CDH18: variants seen among roughly 807,000 people sequenced by gnomAD.
CDH18 encodes cadherin 18.
In CDH18, 31 loss-of-function variants were observed where a neutral mutation model predicts 67.9. That is an observed-to-expected ratio of 0.46 (90% CI 0.34 to 0.62). The LOEUF (loss-of-function observed/expected upper bound fraction) is 0.62. Ranked by LOEUF, CDH18 falls within the 20% of genes least tolerant of loss-of-function variation. CDH18 has a pLI of 0.01. For missense variants in CDH18, 890 were observed against 975.5 expected, an observed-to-expected ratio of 0.91 and a Z score of 1.17; for synonymous variants, 362 against 347.2, an observed-to-expected ratio of 1.04 and a Z score of -0.48.
Position 20,535,382 on chromosome 5 carries a change from A to G in CDH18, c.-580+40080T>C, listed in dbSNP as rs138453686. 5.1e-4 allele frequency among the ~76,000 whole-genome samples: 78 copies of G among 152,166 alleles called. 1 individual carries two copies. In the East Asian group the frequency reaches 0.013, roughly 26 times the overall value. On this transcript the variant is annotated intron_variant, in intron 1 of 14. Coordinates refer to the CDH18 transcript ENST00000507958. ...TCCCCATTTTTCCCTCTGTTGCCCA[A>G]TCTCTGGTTGACTGTTCTTCCTTCC... is the stretch of plus-strand genomic sequence containing the variant.
intron 2 of CDH18, among the ~76,000 whole-genome samples, chr5:20,133,821 G>C (rs1264775208): frequency 6.6e-6 from 1 of 152,018 alleles, no homozygotes; most frequent in Non-Finnish European, 1.5e-5. Flanking sequence ...TCTCTGAGCT[G>C]CTTCTATCAA....
intron 2 of CDH18, among the ~76,000 whole-genome samples, chr5:20,152,256 C>T (rs1382819078): frequency 6.9e-6 from 1 of 144,222 alleles, no homozygotes; most frequent in Non-Finnish European, 1.5e-5. Context: ...AATATAGATA[C>T]AATTATATAT....
chr5:20,221,192 C>G (rs1233169084), intron 2 of CDH18, among the ~76,000 whole-genome samples: 1 of 151,918 alleles, frequency 6.6e-6, no homozygotes, highest in African/African-American at 2.4e-5. Flanking sequence ...TCACAATAGC[C>G]AAGATTTGGA....
intron 2 of CDH18, among the ~76,000 whole-genome samples, chr5:20,170,784 C>T (rs543881165): frequency 2.0e-5 from 3 of 151,924 alleles, no homozygotes; most frequent in Non-Finnish European, 4.4e-5. Context: ...GTTTTTTGTA[C>T]AGATTATTTA....
intron 2 of CDH18, among the ~76,000 whole-genome samples, chr5:20,115,412 G>A (rs1231941143): frequency 6.7e-6 from 1 of 149,932 alleles, no homozygotes; most frequent in Non-Finnish European, 1.5e-5. Context: ...CTGAGTAGCT[G>A]GGACTACAGG....
intron 1 of CDH18, among the ~76,000 whole-genome samples, chr5:20,412,813 A>T (rs549959654): frequency 3.9e-4 from 59 of 152,236 alleles, no homozygotes; most frequent in African/African-American, 1.4e-3. Context: ...ATTGGCTATT[A>T]TTCTTTTTTT....
At chr5:19,743,883 T>C (rs560319493) in intron 4 of CDH18, among the ~76,000 whole-genome samples, 2 of 129,524 alleles carry the variant, frequency 1.5e-5, no homozygotes, top group South Asian at 2.4e-4. Flanking sequence ...ATCATGCCAC[T>C]GCACTCCAGC....
chr5:20,457,659 C>T (rs139598850), intron 1 of CDH18, among the ~76,000 whole-genome samples: 1 of 152,022 alleles, frequency 6.6e-6, no homozygotes, highest in Non-Finnish European at 1.5e-5. Context: ...CTGTACTAGC[C>T]CTTTTCTAAG....
chr5:20,547,932 T>C (rs1757430051), intron 1 of CDH18, among the ~76,000 whole-genome samples: 1 of 152,008 alleles, frequency 6.6e-6, no homozygotes, highest in Non-Finnish European at 1.5e-5. Flanking sequence ...AGAAAAAAGC[T>C]CTCAGTTTGA....
intron 5 of CDH18, among the ~76,000 whole-genome samples, chr5:19,631,244 T>G (rs1752375059): frequency 6.6e-6 from 1 of 152,074 alleles, no homozygotes; most frequent in Admixed American, 6.6e-5. Flanking sequence ...TATGAATAAT[T>G]GAGAAGATGT....
intron 8 of CDH18, among the ~76,000 whole-genome samples, chr5:19,549,225 G>A (rs1009556924): frequency 6.6e-6 from 1 of 152,134 alleles, no homozygotes; most frequent in Non-Finnish European, 1.5e-5. Context: ...TCCACTTGGT[G>A]TTAAGTGAAT....
chr5:19,621,095 T>C (rs965561242), intron 5 of CDH18, among the ~76,000 whole-genome samples: 40 of 152,054 alleles, frequency 2.6e-4, no homozygotes, highest in African/African-American at 9.7e-4. Flanking sequence ...TAAATATCAT[T>C]AGATAGCACA....
intron 1 of CDH18, among the ~76,000 whole-genome samples, chr5:20,556,339 G>T (rs2126634943): frequency 6.6e-6 from 1 of 152,196 alleles, no homozygotes; most frequent in South Asian, 2.1e-4. Flanking sequence ...TGTGGTAAAG[G>T]GACCATTGCA....
intron 5 of CDH18, among the ~76,000 whole-genome samples, chr5:19,695,233 T>C (rs1561069342): frequency 1.3e-5 from 2 of 152,160 alleles, no homozygotes; most frequent in Non-Finnish European, 2.9e-5. Flanking sequence ...ACACTCATAT[T>C]TTTTTCCACA....
At chr5:20,499,379 GTATTGT>G (rs1754106843) in intron 1 of CDH18, among the ~76,000 whole-genome samples, 1 of 151,796 alleles carries the variant, frequency 6.6e-6, no homozygotes, top group Non-Finnish European at 1.5e-5. Context: ...TTTTATTTTT[GTATTGT>G]TATTGTTATT....
intron 2 of CDH18, among the ~76,000 whole-genome samples, chr5:20,206,343 G>T (rs1739887659): frequency 6.6e-6 from 1 of 151,774 alleles, no homozygotes; most frequent in Non-Finnish European, 1.5e-5. Context: ...ATGCCATAAT[G>T]AAGTCTTCTA....
intron 2 of CDH18, among the ~76,000 whole-genome samples, chr5:19,960,651 G>A (rs1354506044): frequency 8.4e-6 from 1 of 119,490 alleles, no homozygotes; most frequent in Non-Finnish European, 1.6e-5. Flanking sequence ...ATATACACGT[G>A]TATATATATA....
intron 5 of CDH18, among the ~76,000 whole-genome samples, chr5:19,661,127 T>A (rs188987847): frequency 6.6e-6 from 1 of 150,688 alleles, no homozygotes; most frequent in Admixed American, 6.6e-5. Flanking sequence ...TCCATTAGGC[T>A]TTGAAAAAAA....
intron 3 of CDH18, among the ~76,000 whole-genome samples, chr5:19,808,176 C>T (rs1379307302): frequency 6.6e-6 from 1 of 151,774 alleles, no homozygotes; most frequent in African/African-American, 2.4e-5. Flanking sequence ...TGTTTAATCT[C>T]TATGAATATA....
Sources: gnomAD v4.1 joint callset for allele counts (sites outside exome capture counted in the v4.1 genomes callset) on GRCh38, gnomAD v4.1.1 for gene constraint, MANE v1.5 for transcripts, NCBI Gene and HGNC (gene_info 2026-07-23, HGNC 2026-07-21) for gene names.